RAPGEF4: variants seen among roughly 807,000 people sequenced by gnomAD.
The protein encoded by RAPGEF4 is RAP guanine-nucleotide-exchange factor (GEF) 4.
RAPGEF4 carries 66 observed loss-of-function variants against 147.9 expected under a neutral mutation model. The ratio of observed to expected loss-of-function variants is 0.45; its 90% CI spans 0.37 to 0.55. RAPGEF4 has a LOEUF of 0.55. Ranked by LOEUF, RAPGEF4 falls within the 20% of genes least tolerant of loss-of-function variation. The pLI, the probability that RAPGEF4 is intolerant of heterozygous loss-of-function variation, is 0.00. For missense variants in RAPGEF4, 1,071 were observed against 1,257.3 expected (o/e 0.85, Z 2.24); for synonymous variants, 419 against 442.7 (o/e 0.95, Z 0.67).
chr2:172,925,587 TACACACAC>T (rs10534191), intron 6 of RAPGEF4, among the ~76,000 whole-genome samples: 4 of 146,974 alleles, frequency 2.7e-5, no homozygotes, highest in South Asian at 2.2e-4. Context: ...ACTCTGTCTG[TACACACAC>T]ACACACACAC....
rs773272442 is a variant in RAPGEF4, at chr2:172,797,531, G to T, written c.215G>T (p.Arg72Leu). 8 of 1,611,940 alleles carry T rather than the reference G, an allele frequency of 5.0e-6. No homozygotes were observed. Among genetic ancestry groups the T allele is most frequent in the Non-Finnish European group, 6.8e-6 (8 of 1,178,944 alleles). Residue 72 changes from arginine (R) to leucine (L), a missense_variant, in exon 3 of 31, where the codon CGC becomes CTC. By Grantham distance (102) the Arg-to-Leu change is moderately radical. Coordinates refer to ENST00000397081, the MANE Select transcript of RAPGEF4 (RefSeq NM_007023.4). Reference protein sequence around the residue: ...ENLEKGITLFRQGDIGTNWYA... With the variant: ...ENLEKGITLFLQGDIGTNWYA... Reference sequence around the variant, plus strand: ...CACAATTTTTTTTTCCCAGTATTTCGCCAGGGTGATATTGGAACAAACTGG... The same window carrying T: ...CACAATTTTTTTTTCCCAGTATTTCTCCAGGGTGATATTGGAACAAACTGG...
At chr2:172,916,022 T>C (rs1290816295) in intron 4 of RAPGEF4, among the ~76,000 whole-genome samples, 1 of 152,212 alleles carries the variant, frequency 6.6e-6, no homozygotes, top group Non-Finnish European at 1.5e-5. Flanking sequence ...ACATAGTAGA[T>C]GCTCAATATG....
chr2:172,822,114 C>A, intron 4 of RAPGEF4: 1 of 1,055,710 alleles, frequency 9.5e-7, no homozygotes, highest in Non-Finnish European at 1.4e-6. Flanking sequence ...CAAATATGTA[C>A]CATGGCAGGG....
chr2:172,838,949 G>A (rs1691272367), intron 4 of RAPGEF4, among the ~76,000 whole-genome samples: 2 of 152,114 alleles, frequency 1.3e-5, no homozygotes, highest in South Asian at 4.1e-4. Flanking sequence ...TTCTAAGTTT[G>A]GGCAATAAGC....
intron 1 of RAPGEF4, among the ~76,000 whole-genome samples, chr2:172,759,252 G>A (rs1166766697): frequency 6.6e-6 from 1 of 152,182 alleles, no homozygotes; most frequent in African/African-American, 2.4e-5. Flanking sequence ...TTGTGAAGAA[G>A]CTGGCAGTAC....
At chr2:172,860,934 A>G (rs1323379072) in intron 4 of RAPGEF4, among the ~76,000 whole-genome samples, 1 of 152,220 alleles carries the variant, frequency 6.6e-6, no homozygotes, top group African/African-American at 2.4e-5. Flanking sequence ...AAGCATCTGC[A>G]CAAGGAGAAA....
At chr2:172,840,786 G>A (rs1266602369) in intron 4 of RAPGEF4, among the ~76,000 whole-genome samples, 1 of 152,224 alleles carries the variant, frequency 6.6e-6, no homozygotes, top group African/African-American at 2.4e-5. Flanking sequence ...GTCTTGGGAT[G>A]TCTTGTTAGC....
intron 2 of RAPGEF4, among the ~76,000 whole-genome samples, chr2:172,796,556 C>A (rs145683675): frequency 6.6e-6 from 1 of 152,182 alleles, no homozygotes; most frequent in African/African-American, 2.4e-5. Context: ...TTGCACTCTG[C>A]GCTACTCTAG....
At chr2:172,931,032 G>C (rs1685866335) in intron 6 of RAPGEF4, among the ~76,000 whole-genome samples, 2 of 152,002 alleles carry the variant, frequency 1.3e-5, no homozygotes, top group South Asian at 4.2e-4. Context: ...GCGCATGTTT[G>C]CCAGTTCCCA....
intron 1 of RAPGEF4, among the ~76,000 whole-genome samples, chr2:172,764,659 T>C (rs1455544068): frequency 2.6e-5 from 4 of 152,216 alleles, no homozygotes; most frequent in Non-Finnish European, 4.4e-5. Context: ...CATCCATGCC[T>C]GAACTCTGGA....
chr2:172,790,888 G>A (rs573916066), intron 1 of RAPGEF4, among the ~76,000 whole-genome samples: 10 of 152,252 alleles, frequency 6.6e-5, no homozygotes, highest in African/African-American at 2.2e-4. Context: ...GTTTTGTGCT[G>A]CTATCACAGA....
At chr2:172,772,120 T>G (rs1683680971) in intron 1 of RAPGEF4, among the ~76,000 whole-genome samples, 1 of 151,972 alleles carries the variant, frequency 6.6e-6, no homozygotes, top group African/African-American at 2.4e-5. Flanking sequence ...ACGCCTGTAG[T>G]CTCAGCTACT....
chr2:172,925,730 G>T (rs1685223073), intron 6 of RAPGEF4, among the ~76,000 whole-genome samples: 1 of 148,134 alleles, frequency 6.8e-6, no homozygotes, highest in Non-Finnish European at 1.5e-5. Flanking sequence ...GGGCAACCGA[G>T]TGAGAAGAAA....
chr2:172,965,793 A>G (rs1689773721), intron 9 of RAPGEF4, 110 bp downstream of exon 9: 2 of 1,358,650 alleles, frequency 1.5e-6, no homozygotes, highest in Non-Finnish European at 2.1e-6. Context: ...CGATCCCTTT[A>G]GGGACCTGCA....
At chr2:172,822,068 A>G in intron 4 of RAPGEF4, 1 of 1,493,430 alleles carries the variant, frequency 6.7e-7, no homozygotes, top group East Asian at 2.3e-5. Flanking sequence ...ATGCTCAAAA[A>G]CATCTCTGGC....
At chr2:172,840,375 C>T (rs1233098691) in intron 4 of RAPGEF4, among the ~76,000 whole-genome samples, 3 of 152,198 alleles carry the variant, frequency 2.0e-5, no homozygotes, top group African/African-American at 4.8e-5. Context: ...ACAGATTAGC[C>T]AGATCAACCT....
intron 9 of RAPGEF4, 40 bp from the exon 10 acceptor site, chr2:172,967,221 G>A (rs773718079): frequency 1.5e-5 from 24 of 1,581,272 alleles, no homozygotes; most frequent in Middle Eastern, 2.0e-4. Flanking sequence ...CTGTGAGGCC[G>A]AGGTGCTGCA....
At chr2:172,779,742 G>A (rs80067480) in intron 1 of RAPGEF4, among the ~76,000 whole-genome samples, 1 of 152,206 alleles carries the variant, frequency 6.6e-6, no homozygotes, top group Non-Finnish European at 1.5e-5. Context: ...TGGAAGCAGG[G>A]ATTGCTGCTA....
At chr2:172,780,981 T>G (rs951613758) in intron 1 of RAPGEF4, among the ~76,000 whole-genome samples, 1 of 152,150 alleles carries the variant, frequency 6.6e-6, no homozygotes, top group Non-Finnish European at 1.5e-5. Context: ...CTATTGAAAT[T>G]GAGGCTATTC....
Sources: gnomAD v4.1 joint callset for allele counts (sites outside exome capture counted in the v4.1 genomes callset) on GRCh38, gnomAD v4.1.1 for gene constraint, MANE v1.5 for transcripts, NCBI Gene and HGNC (gene_info 2026-07-23, HGNC 2026-07-21) for gene names.